TMEM38B: variants seen among roughly 807,000 people sequenced by gnomAD.
TMEM38B encodes the protein transmembrane protein 38B, also known as trimeric intracellular cation channel type B.
A neutral mutation model predicts 28.7 loss-of-function variants in TMEM38B; 24 were observed. The ratio of observed to expected loss-of-function variants is 0.84; its 90% CI spans 0.61 to 1.18. The LOEUF (loss-of-function observed/expected upper bound fraction) is 1.18, where lower values mean the gene tolerates loss of function less well. Among genes scored for constraint, TMEM38B ranks in the 50% most tolerant of loss-of-function variants. The probability of loss-of-function intolerance (pLI) is 0.00; values close to 1 mark genes in which losing one functional copy is unlikely to be tolerated. For missense variants in TMEM38B, 380 were observed against 350.9 expected (o/e 1.08, Z -0.66); for synonymous variants, 131 against 127.7 (o/e 1.03, Z -0.17).
intron 2 of TMEM38B, among the ~76,000 whole-genome samples, chr9:105,709,361 C>T (rs1286716865): frequency 2.0e-5 from 3 of 151,888 alleles, no homozygotes; most frequent in South Asian, 4.2e-4. Context: ...CAGACAAACA[C>T]GGGATAATTT....
intron 5 of TMEM38B, among the ~76,000 whole-genome samples, chr9:105,770,368 TTGAC>T (rs955790184): frequency 5.9e-5 from 9 of 152,170 alleles, no homozygotes; most frequent in South Asian, 2.1e-4. Context: ...TATATATTTG[TTGAC>T]TGACTAATAA....
chr9:105,734,969 A>G (rs1274995303), intron 4 of TMEM38B, among the ~76,000 whole-genome samples: 1 of 150,778 alleles, frequency 6.6e-6, no homozygotes, highest in African/African-American at 2.4e-5. Flanking sequence ...CATTTTGTTA[A>G]TTGTTTTCTG....
intron 5 of TMEM38B, among the ~76,000 whole-genome samples, chr9:105,762,142 A>G (rs1838076668): frequency 6.6e-6 from 1 of 152,144 alleles, no homozygotes; most frequent in South Asian, 2.1e-4. Flanking sequence ...TAATTTCATA[A>G]TATTTCTCTA....
intron 1 of TMEM38B, among the ~76,000 whole-genome samples, chr9:105,696,090 C>T (rs569748925): frequency 3.3e-5 from 5 of 152,238 alleles, no homozygotes; most frequent in Admixed American, 2.6e-4. Context: ...TTTTCACTCT[C>T]ATTTTTTCAG....
intron 5 of TMEM38B, chr9:105,758,883 G>A (rs1389555068): frequency 2.8e-6 from 3 of 1,066,440 alleles, no homozygotes; most frequent in Non-Finnish European, 4.4e-6. Flanking sequence ...GGAAGATGTT[G>A]AAGAAATTTG....
chr9:105,773,733 G>T, intron 5 of TMEM38B, 132 bp from the exon 6 acceptor site: 2 of 759,606 alleles, frequency 2.6e-6, no homozygotes, highest in Non-Finnish European at 4.1e-6. Context: ...GATTTTACCA[G>T]AATCTAGCTT....
At chr9:105,734,321 ATAT>A (rs1564401337) in intron 4 of TMEM38B, among the ~76,000 whole-genome samples, 2 of 152,056 alleles carry the variant, frequency 1.3e-5, no homozygotes, top group Non-Finnish European at 2.9e-5. Context: ...TGTGACTTTA[ATAT>A]TATTAAATTT....
intron 4 of TMEM38B, among the ~76,000 whole-genome samples, chr9:105,728,648 C>T (rs1367684943): frequency 1.3e-5 from 2 of 152,110 alleles, no homozygotes; most frequent in African/African-American, 2.4e-5. Context: ...GTTCTAGATC[C>T]TTGAGGAATC....
intron 4 of TMEM38B, among the ~76,000 whole-genome samples, chr9:105,732,891 A>G (rs562064693): frequency 6.6e-6 from 1 of 152,302 alleles, no homozygotes; most frequent in South Asian, 2.1e-4. Context: ...TCTATAAATT[A>G]CCTTGGACAG....
At chr9:105,755,535 A>T (rs1243433843) in intron 5 of TMEM38B, among the ~76,000 whole-genome samples, 32 of 152,218 alleles carry the variant, frequency 2.1e-4, no homozygotes, top group Non-Finnish European at 1.5e-5. Context: ...GAATTGTTTG[A>T]CTATTCTGGA....
chr9:105,732,746 G>T (rs1043360949), intron 4 of TMEM38B, among the ~76,000 whole-genome samples: 4 of 152,162 alleles, frequency 2.6e-5, no homozygotes, highest in African/African-American at 9.7e-5. Context: ...GTAGCGTGAT[G>T]CCTCCAGCTT....
intron 1 of TMEM38B, among the ~76,000 whole-genome samples, chr9:105,696,186 A>G (rs896016975): frequency 1.3e-5 from 2 of 152,226 alleles, no homozygotes; most frequent in East Asian, 1.9e-4. Context: ...ACAGTTTTCT[A>G]TTTGAAGCCA....
intron 4 of TMEM38B, among the ~76,000 whole-genome samples, chr9:105,745,923 C>T (rs973957133): frequency 1.7e-4 from 26 of 152,070 alleles, no homozygotes; most frequent in African/African-American, 6.3e-4. Flanking sequence ...GGGCTCTGTT[C>T]TGTTCCATTG....
At chr9:105,759,245 C>T in intron 5 of TMEM38B, 1 of 717,528 alleles carries the variant, frequency 1.4e-6, no homozygotes, top group East Asian at 2.5e-5. Context: ...TTGTTTGTGG[C>T]TATGTCATAG....
chr9:105,755,020 A>G (rs912040886), intron 5 of TMEM38B, among the ~76,000 whole-genome samples: 2 of 152,200 alleles, frequency 1.3e-5, no homozygotes, highest in African/African-American at 4.8e-5. Context: ...CCTCTATGCA[A>G]ATAAACTAGA....
At position 105,694,542 on chromosome 9, in the gene TMEM38B, G is replaced by A. The variant is rs1308096580; in HGVS notation, c.-119G>A. On this transcript the variant is annotated 5_prime_UTR_variant, in exon 1 of 6. Transcript: ENST00000374692. ...CCCTCGGCGCCAGGGCGCACGCGCGGAGCTGGAGCCGGCGCGGAGGAGCGG... is the reference window on the plus strand; with the variant it reads ...CCCTCGGCGCCAGGGCGCACGCGCGAAGCTGGAGCCGGCGCGGAGGAGCGG... 3.2e-6 allele frequency: 2 copies of A among 624,680 alleles called. No individual in the cohort carries two copies. The highest frequency in any genetic ancestry group is 3.9e-5 in the Admixed American group (1 of 25,584). The allele number at this position is 624,680 out of a possible 1,614,324, so 38.7% of individuals were successfully genotyped here.
chr9:105,725,051 G>T (rs1836457467), intron 4 of TMEM38B, among the ~76,000 whole-genome samples: 1 of 151,928 alleles, frequency 6.6e-6, no homozygotes, highest in Non-Finnish European at 1.5e-5. Flanking sequence ...GTCAAGTATG[G>T]TCTAGTTTAG....
intron 1 of TMEM38B, among the ~76,000 whole-genome samples, chr9:105,698,440 G>A (rs1835357288): frequency 6.6e-6 from 1 of 152,080 alleles, no homozygotes; most frequent in African/African-American, 2.4e-5. Flanking sequence ...TCCTGGTGGA[G>A]AAGGTGACAT....
intron 4 of TMEM38B, among the ~76,000 whole-genome samples, chr9:105,745,101 C>T (rs1837340065): frequency 1.3e-5 from 2 of 152,220 alleles, no homozygotes; most frequent in East Asian, 3.9e-4. Flanking sequence ...GAGTATATAC[C>T]CAGTAATGGG....
Sources: gnomAD v4.1 joint callset for allele counts (sites outside exome capture counted in the v4.1 genomes callset) on GRCh38, gnomAD v4.1.1 for gene constraint, MANE v1.5 for transcripts, NCBI Gene and HGNC (gene_info 2026-07-23, HGNC 2026-07-21) for gene names.